HCRTR2: variants seen among roughly 807,000 people sequenced by gnomAD.
The protein encoded by HCRTR2 is hypocretin receptor 2, also known as orexin receptor type 2.
HCRTR2 carries 22 observed loss-of-function variants against 49.0 expected under a neutral mutation model. The ratio of observed to expected loss-of-function variants is 0.45; its 90% CI spans 0.32 to 0.64. HCRTR2 has a LOEUF of 0.64. HCRTR2 is among the 30% of genes least tolerant of loss of function. The probability of loss-of-function intolerance (pLI) is 0.04; values close to 1 mark genes in which losing one functional copy is unlikely to be tolerated. For missense variants in HCRTR2, 491 were observed against 559.4 expected (o/e 0.88, Z 1.23); for synonymous variants, 236 against 205.3 (o/e 1.15, Z -1.28).
intron 1 of HCRTR2, among the ~76,000 whole-genome samples, chr6:55,133,435 G>T (rs900748453): frequency 5.3e-5 from 8 of 151,392 alleles, no homozygotes; most frequent in African/African-American, 1.7e-4. Flanking sequence ...TTCAGAAGGG[G>T]TATGCATCAA....
At chr6:55,271,527 A>G (rs1225175883) in intron 4 of HCRTR2, among the ~76,000 whole-genome samples, 1 of 152,174 alleles carries the variant, frequency 6.6e-6, no homozygotes, top group African/African-American at 2.4e-5. Context: ...GACAATGTAG[A>G]TACATTAGAC....
chr6:55,206,382 A>G (rs1289743258), intron 1 of HCRTR2, among the ~76,000 whole-genome samples: 2 of 152,088 alleles, frequency 1.3e-5, no homozygotes, highest in African/African-American at 4.8e-5. Context: ...AGTACCTGAG[A>G]AATTTCTTCG....
At chr6:55,272,444 G>T (rs1389330338) in intron 4 of HCRTR2, among the ~76,000 whole-genome samples, 1 of 152,056 alleles carries the variant, frequency 6.6e-6, no homozygotes, top group Non-Finnish European at 1.5e-5. Flanking sequence ...TGATGTGATA[G>T]TTGCACAACT....
chr6:55,186,462 T>A (rs970084668), intron 1 of HCRTR2, among the ~76,000 whole-genome samples: 1 of 152,226 alleles, frequency 6.6e-6, no homozygotes, highest in African/African-American at 2.4e-5. Context: ...AGCACTGAGA[T>A]CTCCTTGACA....
intron 1 of HCRTR2, among the ~76,000 whole-genome samples, chr6:55,241,703 G>A (rs1352982685): frequency 6.6e-6 from 1 of 151,816 alleles, no homozygotes; most frequent in Admixed American, 6.6e-5. Flanking sequence ...TGGAAAAATT[G>A]TGTTTTCTTT....
intron 1 of HCRTR2, among the ~76,000 whole-genome samples, chr6:55,201,173 A>G: frequency 6.6e-6 from 1 of 152,162 alleles, no homozygotes; most frequent in Admixed American, 6.5e-5. Flanking sequence ...TTTTGGATTA[A>G]GTGTAGGCAG....
At chr6:55,261,778 T>C (rs1489336592) in intron 3 of HCRTR2, among the ~76,000 whole-genome samples, 1 of 152,142 alleles carries the variant, frequency 6.6e-6, no homozygotes, top group Non-Finnish European at 1.5e-5. Flanking sequence ...CCTACTCTGG[T>C]AGCTACCCAG....
At chr6:55,228,646 G>GT (rs1163241109) in intron 1 of HCRTR2, among the ~76,000 whole-genome samples, 5 of 152,096 alleles carry the variant, frequency 3.3e-5, no homozygotes, top group Non-Finnish European at 7.4e-5. Context: ...CTGAGATATT[G>GT]TCACATTCCA....
At chr6:55,195,133 C>A (rs746948085) in intron 1 of HCRTR2, among the ~76,000 whole-genome samples, 6 of 151,844 alleles carry the variant, frequency 4.0e-5, no homozygotes, top group Non-Finnish European at 8.8e-5. Flanking sequence ...GAAGAGGAAA[C>A]ACAGTAACCA....
intron 1 of HCRTR2, among the ~76,000 whole-genome samples, chr6:55,141,472 A>G (rs1450866313): frequency 6.6e-6 from 1 of 152,212 alleles, no homozygotes; most frequent in Non-Finnish European, 1.5e-5. Context: ...AAGAAGAGAT[A>G]CATATAAATT....
At chr6:55,227,545 A>G (rs929746066) in intron 1 of HCRTR2, among the ~76,000 whole-genome samples, 1 of 152,210 alleles carries the variant, frequency 6.6e-6, no homozygotes, top group Non-Finnish European at 1.5e-5. Context: ...GTACTGCATT[A>G]AAGATTATTC....
chr6:55,197,188 ACT>A (rs1449626277), intron 1 of HCRTR2, among the ~76,000 whole-genome samples: 1 of 152,044 alleles, frequency 6.6e-6, no homozygotes, highest in Non-Finnish European at 1.5e-5. Context: ...CCCAAGCCTA[ACT>A]CTAATCCTAT....
At chr6:55,196,398 T>C (rs1765410046) in intron 1 of HCRTR2, among the ~76,000 whole-genome samples, 1 of 152,184 alleles carries the variant, frequency 6.6e-6, no homozygotes, top group African/African-American at 2.4e-5. Flanking sequence ...GGGAGATAAA[T>C]GAACTTTTCC....
At chr6:55,226,862 G>A (rs1766017524) in intron 1 of HCRTR2, among the ~76,000 whole-genome samples, 1 of 151,342 alleles carries the variant, frequency 6.6e-6, no homozygotes. Flanking sequence ...GGGACTACAG[G>A]TGCCCGCCAC....
At position 55,255,310 on chromosome 6, in the gene HCRTR2, T is replaced by A. The variant is rs41381449; in HGVS notation, c.577T>A (p.Cys193Ser). ...GATTCCTCAGGCCATCGTCATGGAG[T>A]GCAGCACCGTGTTCCCAGGCTTAGC... ...IMIPQAIVME[C>S]STVFPGLANK... The change falls in exon 3 of 7, where the codon TGC becomes AGC. Residue 193 changes from cysteine to serine, a missense_variant. Coordinates refer to ENST00000370862, the MANE Select transcript of HCRTR2 (RefSeq NM_001384272.1). 1.7e-3 allele frequency: 2,786 copies of A among 1,614,004 alleles called. 6 individuals carry two copies. Among genetic ancestry groups the A allele is most frequent in the Middle Eastern group, 9.7e-3 (59 of 6,060 alleles).
At chr6:55,164,053 G>T (rs1764842988) in intron 1 of HCRTR2, among the ~76,000 whole-genome samples, 2 of 152,152 alleles carry the variant, frequency 1.3e-5, no homozygotes, top group Admixed American at 1.3e-4. Context: ...TTGGAGAAAT[G>T]CAAATAAAAA....
At chr6:55,203,273 A>C (rs1370966521) in intron 1 of HCRTR2, among the ~76,000 whole-genome samples, 1 of 152,210 alleles carries the variant, frequency 6.6e-6, no homozygotes, top group Non-Finnish European at 1.5e-5. Context: ...CATAGCTCCA[A>C]GCTCAAAGAA....
intron 1 of HCRTR2, among the ~76,000 whole-genome samples, chr6:55,223,090 G>A (rs1446680963): frequency 6.6e-6 from 1 of 152,140 alleles, no homozygotes; most frequent in Non-Finnish European, 1.5e-5. Flanking sequence ...CTAAAGCAGA[G>A]TATATAAACT....
intron 1 of HCRTR2, among the ~76,000 whole-genome samples, chr6:55,245,519 T>TC (rs141478445): frequency 0.069 from 8,939 of 129,866 alleles, 554 homozygotes; most frequent in African/African-American, 0.16. Flanking sequence ...TCCCCAAAAG[T>TC]GTGCCTTGGC....
Sources: allele counts gnomAD v4.1 joint callset (sites outside exome capture counted in the v4.1 genomes callset), GRCh38; gene constraint gnomAD v4.1.1; transcripts MANE v1.5; gene names NCBI Gene and HGNC (gene_info 2026-07-23, HGNC 2026-07-21).